The following NYAP2 variants were observed in gnomAD, a reference collection of about 807,000 sequenced individuals.
The protein encoded by NYAP2 is neuronal tyrosine-phosphorylated phosphoinositide-3-kinase adapter 2.
In NYAP2, 23 loss-of-function variants were observed where a neutral mutation model predicts 50.4. The ratio of observed to expected loss-of-function variants is 0.46; its 90% confidence interval spans 0.33 to 0.65. The LOEUF (loss-of-function observed/expected upper bound fraction) is 0.65. NYAP2 is among the 30% of genes least tolerant of loss of function. The pLI is 0.02. For missense variants in NYAP2, 885 were observed against 861.0 expected, an observed-to-expected ratio of 1.03 and a Z score of -0.35; for synonymous variants, 394 against 365.2, an observed-to-expected ratio of 1.08 and a Z score of -0.90.
chr2:225,560,933 G>GGT (rs1691859802), intron 4 of NYAP2, among the ~76,000 whole-genome samples: 1 of 136,478 alleles, frequency 7.3e-6, no homozygotes, highest in Non-Finnish European at 1.6e-5. Flanking sequence ...TTTCCAAAAC[G>GGT]TTTTTTTTTT....
chr2:225,541,018 G>T (rs1691459719), intron 4 of NYAP2, among the ~76,000 whole-genome samples: 1 of 152,086 alleles, frequency 6.6e-6, no homozygotes, highest in Non-Finnish European at 1.5e-5. Context: ...TTGTAGTTTT[G>T]ATTTGCATTT....
intron 5 of NYAP2, among the ~76,000 whole-genome samples, chr2:225,605,223 T>G (rs1473574061): frequency 6.6e-6 from 1 of 152,176 alleles, no homozygotes; most frequent in South Asian, 2.1e-4. Context: ...GTTAGAATGA[T>G]TTGAGTCTTA....
chr2:225,514,970 T>C (rs1248252082), intron 4 of NYAP2, among the ~76,000 whole-genome samples: 1 of 152,206 alleles, frequency 6.6e-6, no homozygotes, highest in Non-Finnish European at 1.5e-5. Context: ...TCTGGCCTAA[T>C]CTTTCCACAG....
chr2:225,454,430 T>A (rs1425594442), intron 3 of NYAP2, among the ~76,000 whole-genome samples: 1 of 152,190 alleles, frequency 6.6e-6, no homozygotes, highest in Non-Finnish European at 1.5e-5. Context: ...ATTATAGACT[T>A]AGTCTAGTGT....
chr2:225,627,087 T>C, exon 6 of NYAP2: 1 of 1,595,448 alleles, frequency 6.3e-7, no homozygotes, highest in African/African-American at 1.3e-5. Context: ...AGGAAGATGC[T>C]CTGTGAGCCC....
intron 6 of NYAP2, among the ~76,000 whole-genome samples, chr2:225,637,018 A>G (rs1693431173): frequency 6.6e-6 from 1 of 152,206 alleles, no homozygotes; most frequent in Admixed American, 6.5e-5. Flanking sequence ...CGTGACACAG[A>G]TACCATGATC....
intron 3 of NYAP2, among the ~76,000 whole-genome samples, chr2:225,472,177 C>A (rs750321235): frequency 1.3e-5 from 2 of 152,166 alleles, no homozygotes. Flanking sequence ...CTGGCTCGCA[C>A]GACTCATCCT....
intron 4 of NYAP2, among the ~76,000 whole-genome samples, chr2:225,518,567 T>TATATATAA (rs1203016686): frequency 0.013 from 325 of 25,512 alleles, 104 homozygotes; most frequent in Non-Finnish European, 0.022. Context: ...TATATATATA[T>TATATATAA]ATTAGCGTGT....
chr2:225,464,888 G>A (rs761851005), intron 3 of NYAP2, among the ~76,000 whole-genome samples: 7 of 152,076 alleles, frequency 4.6e-5, no homozygotes, highest in African/African-American at 7.2e-5. Flanking sequence ...ATGCGTGTTC[G>A]TTTTCCTCTT....
At chr2:225,445,433 G>A (rs1397864370) in intron 3 of NYAP2, among the ~76,000 whole-genome samples, 3 of 151,808 alleles carry the variant, frequency 2.0e-5, no homozygotes, top group Non-Finnish European at 2.9e-5. Context: ...TGCTTAATTT[G>A]AATTTATATA....
chr2:225,406,711 T>C (rs1694945390), intron 2 of NYAP2, among the ~76,000 whole-genome samples: 2 of 152,144 alleles, frequency 1.3e-5, no homozygotes, highest in East Asian at 1.9e-4. Context: ...ATCTCCTTTT[T>C]GTTTTTAAAA....
intron 4 of NYAP2, among the ~76,000 whole-genome samples, chr2:225,577,568 C>T (rs1381019681): frequency 6.6e-6 from 1 of 151,888 alleles, no homozygotes; most frequent in Admixed American, 6.6e-5. Flanking sequence ...TAAAACAGCA[C>T]CCATGATAGT....
intron 3 of NYAP2, among the ~76,000 whole-genome samples, chr2:225,465,785 G>A (rs984790938): frequency 2.8e-4 from 42 of 152,152 alleles, no homozygotes; most frequent in African/African-American, 7.2e-5. Context: ...CATGTCAGGT[G>A]TCCCATGACT....
the NYAP2 span, among the ~76,000 whole-genome samples, chr2:225,671,979 G>T: frequency 6.6e-6 from 1 of 151,948 alleles, no homozygotes; most frequent in Non-Finnish European, 1.5e-5. Context: ...CAGATGTACT[G>T]GCATCCACAC....
Position 225,627,066 on chromosome 2 carries a change from AC to A in NYAP2, c.1770del (p.Ser591ValfsTer3). 1 of 1,598,204 alleles carries A rather than the reference AC, an allele frequency of 6.3e-7. No homozygotes were observed. Among genetic ancestry groups the A allele is most frequent in the Non-Finnish European group, 8.5e-7 (1 of 1,172,286 alleles). On this transcript the variant is annotated frameshift_variant, in exon 6 of 7. Transcript: ENST00000636099. LOFTEE classifies it high-confidence loss of function. ...TGGAACACCAGGGACACCTGTGGTC[AC>A]CAGTCGACTAGGAAGATGCTCTGTG...
At chr2:225,431,866 T>C (rs1259272680) in intron 3 of NYAP2, among the ~76,000 whole-genome samples, 1 of 152,208 alleles carries the variant, frequency 6.6e-6, no homozygotes, top group Admixed American at 6.5e-5. Flanking sequence ...ATGAGCAAAG[T>C]CATCAGACTT....
Position 225,613,318 on chromosome 2 carries a change from C to T in NYAP2, c.1619-13599C>T, listed in dbSNP as rs192498356. 2.6e-5 allele frequency among the ~76,000 whole-genome samples: 4 copies of T among 152,220 alleles called. No individual in the cohort carries two copies. In the East Asian group the frequency reaches 7.7e-4, roughly 29 times the overall value. On this transcript the variant is annotated intron_variant, in intron 5 of 6. Transcript: ENST00000636099. The stretch of plus-strand genomic sequence containing the variant: ...CACCCAGACCAGAGAAAGATGAAAG[C>T]CAGAAGACTCATCAAGCCGGCTTAT...
At chr2:225,627,245 C>G in intron 6 of NYAP2, 119 bp downstream of exon 6, 1 of 743,604 alleles carries the variant, frequency 1.3e-6, no homozygotes, top group Admixed American at 2.2e-5. Context: ...AGAGAGGCAC[C>G]ACAAGTAACC....
At chr2:225,692,886 C>T in the NYAP2 span, among the ~76,000 whole-genome samples, 500 of 152,062 alleles carry the variant, frequency 3.3e-3, no homozygotes, top group Non-Finnish European at 5.2e-3. Flanking sequence ...CACACACACA[C>T]ACACACATAT....
Sources: allele counts gnomAD v4.1 joint callset (sites outside exome capture counted in the v4.1 genomes callset), GRCh38; gene constraint gnomAD v4.1.1; transcripts MANE v1.5; gene names NCBI Gene and HGNC (gene_info 2026-07-23, HGNC 2026-07-21).